PARVB: variants seen among roughly 807,000 people sequenced by gnomAD.
PARVB encodes beta-parvin.
PARVB carries 46 observed loss-of-function variants against 47.0 expected under a neutral mutation model. That is an observed-to-expected ratio of 0.98 (90% confidence interval 0.77 to 1.25). The LOEUF (loss-of-function observed/expected upper bound fraction) is 1.25, where lower values mean the gene tolerates loss of function less well. PARVB is among the 50% of genes most tolerant of loss of function. The pLI, the probability that PARVB is intolerant of heterozygous loss-of-function variation, is 0.00. For missense variants in PARVB, 473 were observed against 471.6 expected (o/e 1.00, Z -0.03); for synonymous variants, 196 against 196.3 (o/e 1.00, Z 0.01).
chr22:44,039,093 A>C (rs1317077980), intron 1 of PARVB, among the ~76,000 whole-genome samples: 2 of 152,216 alleles, frequency 1.3e-5, no homozygotes. Context: ...AAAGGCTGGA[A>C]GATGTGGTGA....
intron 1 of PARVB, among the ~76,000 whole-genome samples, chr22:44,075,284 A>G: frequency 6.6e-6 from 1 of 152,226 alleles, no homozygotes; most frequent in East Asian, 1.9e-4. Context: ...TCATGCATGC[A>G]CCCGCAGTGA....
At chr22:44,162,116 C>T (rs2054066819) in intron 11 of PARVB, among the ~76,000 whole-genome samples, 1 of 152,224 alleles carries the variant, frequency 6.6e-6, no homozygotes, top group South Asian at 2.1e-4. Flanking sequence ...CGCCCCTTTG[C>T]TTCTCCGAGC....
At chr22:44,158,950 TC>T (rs1417791248) in intron 11 of PARVB, among the ~76,000 whole-genome samples, 2 of 152,256 alleles carry the variant, frequency 1.3e-5, no homozygotes, top group Non-Finnish European at 2.9e-5. Flanking sequence ...TCTGCCCACT[TC>T]TGGCACGTTG....
intron 10 of PARVB, 74 bp from the exon 11 acceptor site, chr22:44,157,908 C>T (rs1190798164): frequency 2.0e-6 from 2 of 1,009,786 alleles, no homozygotes; most frequent in Admixed American, 3.6e-5. Context: ...AAAAAATATG[C>T]CCCCCTTAAG....
chr22:44,074,949 G>A (rs1006447766), intron 1 of PARVB, among the ~76,000 whole-genome samples: 2 of 152,208 alleles, frequency 1.3e-5, no homozygotes, highest in Non-Finnish European at 2.9e-5. Context: ...CGGTGGGGAC[G>A]GGGCTTCCCA....
intron 2 of PARVB, among the ~76,000 whole-genome samples, chr22:44,000,237 A>G (rs1271903694): frequency 2.6e-5 from 4 of 152,166 alleles, no homozygotes; most frequent in African/African-American, 9.6e-5. Context: ...TTTTAACACC[A>G]GAGATTGATT....
intron 12 of PARVB, among the ~76,000 whole-genome samples, chr22:44,166,958 G>T (rs139091): frequency 0.37 from 56,047 of 152,126 alleles, 10,894 homozygotes; most frequent in South Asian, 0.5. Context: ...ACCCAGGGCT[G>T]GTGGGGAGGG....
At chr22:44,025,207 A>G (rs1051615824) in intron 1 of PARVB, among the ~76,000 whole-genome samples, 5 of 151,984 alleles carry the variant, frequency 3.3e-5, no homozygotes, top group Non-Finnish European at 5.9e-5. Flanking sequence ...GTGGAAAGGC[A>G]GATGGAGAAA....
In PARVB at chr22:44,015,416, A is replaced by G. The variant is rs528768101; in HGVS notation, c.211+15743A>G. ...CAATAGAAAAGGGCTACCTGGGGCC[A>G]GGCGTACCCAACATGAAGACTCCAT... On this transcript the variant is annotated intron_variant, in intron 2 of 13. Transcript: ENST00000406477. Among the ~76,000 whole-genome samples, 28 of 152,366 alleles carry G rather than the reference A, an allele frequency of 1.8e-4. 1 individual carries two copies. In the South Asian group the frequency reaches 5.6e-3, roughly 30 times the overall value.
chr22:44,038,195 G>A (rs1309195375), intron 1 of PARVB, among the ~76,000 whole-genome samples: 3 of 152,236 alleles, frequency 2.0e-5, no homozygotes, highest in African/African-American at 7.2e-5. Flanking sequence ...CACAGTTCCT[G>A]TCTTCCTGGG....
chr22:44,093,472 C>G (rs1186666933), intron 1 of PARVB, among the ~76,000 whole-genome samples: 1 of 152,208 alleles, frequency 6.6e-6, no homozygotes, highest in Non-Finnish European at 1.5e-5. Context: ...ACTTTAAACT[C>G]CAGATTCACC....
upstream of PARVB, among the ~76,000 whole-genome samples, chr22:44,021,756 G>GACTC (rs1309898647): frequency 2.9e-5 from 3 of 105,000 alleles, no homozygotes; most frequent in Non-Finnish European, 5.9e-5. Context: ...GTAAAGTCTA[G>GACTC]ACTCACACAC....
chr22:44,095,675 C>T (rs2052287519), intron 2 of PARVB, among the ~76,000 whole-genome samples: 1 of 152,162 alleles, frequency 6.6e-6, no homozygotes, highest in Admixed American at 6.5e-5. Flanking sequence ...GACACATTTT[C>T]CTTAAAGTGT....
chr22:44,041,487 C>T (rs892826617), intron 1 of PARVB, among the ~76,000 whole-genome samples: 1 of 151,738 alleles, frequency 6.6e-6, no homozygotes, highest in African/African-American at 2.4e-5. Context: ...GCAAGACTCC[C>T]TCTCAAAAAA....
chr22:44,040,530 C>A (rs4823187), intron 1 of PARVB, among the ~76,000 whole-genome samples: 18,115 of 152,142 alleles, frequency 0.12, 1,217 homozygotes, highest in Middle Eastern at 0.17. Flanking sequence ...GAGAAGTGAC[C>A]ATGGAGGTGG....
At chr22:44,023,512 A>AAAAAT (rs200193972), upstream of PARVB, among the ~76,000 whole-genome samples, 3 of 144,948 alleles carry the variant, frequency 2.1e-5, no homozygotes, top group Non-Finnish European at 3.0e-5. Flanking sequence ...CTACGTCTAA[A>AAAAAT]AAAATAAAAT....
At position 44,046,773 on chromosome 22, in the gene PARVB, T is replaced by A. The variant is rs372524911; in HGVS notation, c.112+22322T>A. On this transcript the variant is annotated intron_variant, in intron 1 of 12. Transcript: ENST00000338758. Reference sequence around the variant, plus strand: ...TGGGGTGTTCCCACCAGTGTCTCTGTGTTCAAAGTTCAGCACAGTGTGGGG... The same window carrying A: ...TGGGGTGTTCCCACCAGTGTCTCTGAGTTCAAAGTTCAGCACAGTGTGGGG... Among the ~76,000 whole-genome samples the A allele has an allele frequency of 1.1e-4, 16 of 152,344 alleles. 1 individual carries two copies. Among genetic ancestry groups the A allele is most frequent in the South Asian group, 1.0e-3 (5 of 4,830 alleles).
intron 1 of PARVB, among the ~76,000 whole-genome samples, chr22:44,065,915 A>T (rs180902351): frequency 6.6e-6 from 1 of 151,742 alleles, no homozygotes; most frequent in East Asian, 1.9e-4. Context: ...TCATTGATTG[A>T]TGGGCATTTG....
At chr22:44,141,925 C>T (rs2053558922) in intron 8 of PARVB, 2 of 152,142 alleles carry the variant, frequency 1.3e-5, no homozygotes, top group Admixed American at 1.3e-4. Flanking sequence ...GGCGAAACCG[C>T]AGTGGGGTCA....
Sources: gnomAD v4.1 joint callset for allele counts (sites outside exome capture counted in the v4.1 genomes callset) on GRCh38, gnomAD v4.1.1 for gene constraint, MANE v1.5 for transcripts, NCBI Gene and HGNC (gene_info 2026-07-23, HGNC 2026-07-21) for gene names.